RAB28: variants seen among roughly 807,000 people sequenced by gnomAD.
RAB28 encodes the protein ras-related protein Rab-28.
RAB28 carries 24 observed loss-of-function variants against 31.7 expected under a neutral mutation model. The observed-to-expected ratio is 0.76, with a 90% CI of 0.55 to 1.06. The LOEUF (loss-of-function observed/expected upper bound fraction) is 1.06, where lower values mean the gene tolerates loss of function less well. Ranked by LOEUF, RAB28 falls within the 50% of genes least tolerant of loss-of-function variation. The pLI is 0.00. For missense variants in RAB28, 254 were observed against 258.5 expected (o/e 0.98, Z 0.12); for synonymous variants, 100 against 90.4 (o/e 1.11, Z -0.60).
intron 6 of RAB28, chr4:13,371,236 T>C (rs1728700756): frequency 9.1e-6 from 9 of 985,266 alleles, no homozygotes; most frequent in Non-Finnish European, 1.1e-5. Context: ...CATGATTTAC[T>C]AGGCACTCTG....
At chr4:13,479,325 T>C (rs888654147) in intron 2 of RAB28, 105 bp downstream of exon 2, 1 of 729,508 alleles carries the variant, frequency 1.4e-6, no homozygotes, top group South Asian at 1.6e-5. Context: ...TTTATATACA[T>C]CTTCATGTAG....
chr4:13,368,299 T>G lies in RAB28; in HGVS notation c.*259A>C, dbSNP rs1399051388. ...AAGGACATACAAAGAAACAACATCA[T>G]TCTTTTGCAATGAAGCAGTCTAATT... On this transcript the variant is annotated 3_prime_UTR_variant, in exon 7 of 7. Transcript: ENST00000330852. 4 of 1,113,900 alleles carry G rather than the reference T, an allele frequency of 3.6e-6. No homozygotes were observed. In the African/African-American group the frequency reaches 6.5e-5, roughly 18 times the overall value. 69.0% of individuals were successfully genotyped at this position (1,113,900 alleles called of 1,614,324 possible). A position where few individuals can be genotyped will look rare whatever the true frequency, so the allele number is the denominator to read the frequency against.
intron 4 of RAB28, among the ~76,000 whole-genome samples, chr4:13,385,062 C>T (rs1379044433): frequency 6.6e-6 from 1 of 152,122 alleles, no homozygotes; most frequent in East Asian, 1.9e-4. Flanking sequence ...TAATGCAATT[C>T]CAACTATTAA....
chr4:13,383,073 T>C (rs1469782233), intron 4 of RAB28, among the ~76,000 whole-genome samples: 1 of 152,130 alleles, frequency 6.6e-6, no homozygotes, highest in Non-Finnish European at 1.5e-5. Flanking sequence ...ACTATCTCCT[T>C]ATTTACAAGA....
Position 13,484,185 on chromosome 4 carries a change from G to T in RAB28, c.-35C>A, listed in dbSNP as rs890898587. 3 of 1,538,784 alleles carry T rather than the reference G, an allele frequency of 1.9e-6. No individual in the cohort carries two copies. Among genetic ancestry groups the T allele is most frequent in the East Asian group, 2.4e-5 (1 of 41,680 alleles). ...GGAACCAGGCCCGCCCCTCGAGGTG[G>T]GGGGGGAAGGGAAGGATGAAGGCTC... is the stretch of plus-strand genomic sequence containing the variant. On this transcript the variant is annotated 5_prime_UTR_variant, in exon 1 of 7. Coordinates refer to ENST00000330852, the MANE Select transcript of RAB28 (RefSeq NM_001017979.3).
chr4:13,375,792 C>G (rs1480625429), intron 6 of RAB28, among the ~76,000 whole-genome samples: 1 of 149,108 alleles, frequency 6.7e-6, no homozygotes, highest in African/African-American at 2.5e-5. Context: ...CACACACACA[C>G]ACAGAGAGAG....
intron 4 of RAB28, among the ~76,000 whole-genome samples, chr4:13,457,151 G>A (rs1715341955): frequency 6.6e-6 from 1 of 152,152 alleles, no homozygotes; most frequent in South Asian, 2.1e-4. Context: ...TTAGGAAGAA[G>A]ATCACTATGT....
At chr4:13,441,664 C>T (rs1372393630) in intron 4 of RAB28, among the ~76,000 whole-genome samples, 1 of 152,196 alleles carries the variant, frequency 6.6e-6, no homozygotes, top group Admixed American at 6.5e-5. Flanking sequence ...GCATGTGCAA[C>T]AATATTTGCT....
intron 4 of RAB28, among the ~76,000 whole-genome samples, chr4:13,385,317 G>C (rs1348021277): frequency 6.6e-6 from 1 of 152,140 alleles, no homozygotes; most frequent in African/African-American, 2.4e-5. Flanking sequence ...AACCTAGCTA[G>C]AGAGGCCAAC....
At chr4:13,476,058 G>A (rs1207940888) in intron 2 of RAB28, among the ~76,000 whole-genome samples, 2 of 151,508 alleles carry the variant, frequency 1.3e-5, no homozygotes, top group Admixed American at 6.6e-5. Context: ...TACTTAGTAA[G>A]TGCTAAAAGG....
intron 4 of RAB28, among the ~76,000 whole-genome samples, chr4:13,438,585 A>G (rs776513374): frequency 9.2e-5 from 14 of 152,194 alleles, no homozygotes; most frequent in Non-Finnish European, 1.9e-4. Flanking sequence ...CAAGATTCAT[A>G]CATGTTATAG....
At chr4:13,384,574 T>A (rs1729283111) in intron 4 of RAB28, among the ~76,000 whole-genome samples, 1 of 152,120 alleles carries the variant, frequency 6.6e-6, no homozygotes. Context: ...TCCCCCAGAT[T>A]TAGAGCATGC....
chr4:13,413,208 A>T (rs367820804), intron 4 of RAB28, among the ~76,000 whole-genome samples: 58 of 152,340 alleles, frequency 3.8e-4, no homozygotes, highest in African/African-American at 1.3e-3. Context: ...TAATCAATAC[A>T]TATCAATGTA....
intron 4 of RAB28, among the ~76,000 whole-genome samples, chr4:13,405,283 T>TA (rs1473004452): frequency 6.6e-6 from 1 of 152,180 alleles, no homozygotes; most frequent in Admixed American, 6.5e-5. Flanking sequence ...TGTGCTTATT[T>TA]AAAATTAAGC....
chr4:13,379,904 C>T (rs1356125514), intron 5 of RAB28, among the ~76,000 whole-genome samples: 3 of 151,966 alleles, frequency 2.0e-5, no homozygotes, highest in Admixed American at 1.3e-4. Context: ...TAAGAACAAA[C>T]CATTTCAAAG....
chr4:13,480,132 T>C (rs1422911566), intron 1 of RAB28, among the ~76,000 whole-genome samples: 1 of 151,712 alleles, frequency 6.6e-6, no homozygotes, highest in Non-Finnish European at 1.5e-5. Flanking sequence ...GCAGACAAAA[T>C]GAATATTTTC....
chr4:13,464,180 T>TA (rs1715730787), intron 3 of RAB28, among the ~76,000 whole-genome samples: 1 of 152,068 alleles, frequency 6.6e-6, no homozygotes, highest in African/African-American at 2.4e-5. Flanking sequence ...TCTTAGGGGC[T>TA]ACCTCCACAC....
At chr4:13,439,814 G>A (rs139227295) in intron 4 of RAB28, among the ~76,000 whole-genome samples, 2 of 152,236 alleles carry the variant, frequency 1.3e-5, no homozygotes, top group African/African-American at 2.4e-5. Context: ...TTGGGCTTCT[G>A]TTGAACCCAT....
rs759031443 is a variant in RAB28 at position 13,376,596 on chromosome 4, A to T, written c.522T>A (p.Ala174=). Residue 174 remains alanine (A), a synonymous_variant, in exon 6 of 7, where the codon GCT becomes GCA. Coordinates refer to ENST00000330852, the MANE Select transcript of RAB28 (RefSeq NM_001017979.3). ...DSVFLCFQKV[A]AEILGIKLNK... ...TTAATTTGATCCCAAGGATTTCAGC[A>T]GCAACTTTCTGAAAGCACAGGAAGA... 2 of 1,603,850 alleles carry T rather than the reference A, an allele frequency of 1.2e-6. No individual in the cohort carries two copies. The highest frequency in any genetic ancestry group is 2.7e-5 in the African/African-American group (2 of 74,678).
Sources: allele counts gnomAD v4.1 joint callset (sites outside exome capture counted in the v4.1 genomes callset), GRCh38; gene constraint gnomAD v4.1.1; transcripts MANE v1.5; gene names NCBI Gene and HGNC (gene_info 2026-07-23, HGNC 2026-07-21).